RAB3C: variants seen among roughly 807,000 people sequenced by gnomAD.
RAB3C encodes RAB3C, member RAS oncogene family.
A neutral mutation model predicts 26.4 loss-of-function variants in RAB3C; 17 were observed. That is an observed-to-expected ratio of 0.64 (90% CI 0.44 to 0.97). RAB3C has a LOEUF of 0.97. RAB3C is among the 50% of genes least tolerant of loss of function. RAB3C has a pLI of 0.00. For synonymous variants in RAB3C, 91 were observed against 95.9 expected (o/e 0.95, Z 0.30); for missense variants, 242 against 281.9 (o/e 0.86, Z 1.01).
In RAB3C at chr5:58,797,363, TATATA is replaced by T. The variant is rs1160598300; in HGVS notation, c.372-27669_372-27665del. 4.9e-3 allele frequency among the ~76,000 whole-genome samples: 112 copies of T among 22,926 alleles called. 4 individuals carry two copies. The highest frequency in any genetic ancestry group is 0.037 in the South Asian group (31 of 830). The allele number at this position is 22,926 out of a possible 152,430, so 15.0% of individuals were successfully genotyped here. On this transcript the variant is annotated intron_variant, in intron 3 of 4. Transcript: ENST00000282878. ...ACAAAAAAAAAAAAAAATATGTATATATATAATATATATATATATATATATATATA... is the reference window on the plus strand; with the variant it reads ...ACAAAAAAAAAAAAAAATATGTATATATATATATATATATATATATATATA...
At chr5:58,748,491 T>G (rs1741448197) in intron 3 of RAB3C, among the ~76,000 whole-genome samples, 1 of 152,144 alleles carries the variant, frequency 6.6e-6, no homozygotes, top group Non-Finnish European at 1.5e-5. Flanking sequence ...ATAATTGAAT[T>G]GGGAGATAAA....
At chr5:58,671,139 T>C (rs1398740291) in intron 2 of RAB3C, among the ~76,000 whole-genome samples, 1 of 152,182 alleles carries the variant, frequency 6.6e-6, no homozygotes, top group Non-Finnish European at 1.5e-5. Flanking sequence ...GATGATTGAT[T>C]GCCTGTTGTT....
At chr5:58,640,769 G>GA (rs1285094920) in intron 2 of RAB3C, among the ~76,000 whole-genome samples, 1 of 152,138 alleles carries the variant, frequency 6.6e-6, no homozygotes, top group Non-Finnish European at 1.5e-5. Context: ...TCTGTAGGAT[G>GA]CTAATCACAC....
chr5:58,611,686 G>C (rs571500284), intron 1 of RAB3C, among the ~76,000 whole-genome samples: 1 of 152,218 alleles, frequency 6.6e-6, no homozygotes, highest in East Asian at 1.9e-4. Context: ...TAGGTTGTCT[G>C]TTCACTCTGT....
intron 3 of RAB3C, among the ~76,000 whole-genome samples, chr5:58,765,359 G>A (rs575433080): frequency 6.6e-6 from 1 of 152,242 alleles, no homozygotes; most frequent in East Asian, 1.9e-4. Context: ...AGAAGAAACA[G>A]TCATGTAATG....
intron 2 of RAB3C, among the ~76,000 whole-genome samples, chr5:58,652,367 T>C (rs1747672503): frequency 1.3e-5 from 2 of 151,924 alleles, no homozygotes; most frequent in South Asian, 4.2e-4. Context: ...ATATAGTGTC[T>C]ACAATCAATT....
At chr5:58,716,812 A>C (rs562912964) in intron 2 of RAB3C, among the ~76,000 whole-genome samples, 3 of 152,010 alleles carry the variant, frequency 2.0e-5, no homozygotes, top group East Asian at 3.9e-4. Context: ...AAAAAAAAAA[A>C]AAAAAACAAC....
In RAB3C at chr5:58,698,638, T is replaced by G. The variant is rs145446155; in HGVS notation, c.253-27364T>G. The stretch of plus-strand genomic sequence containing the variant: ...TTGTTGATTTCTTTTTACTCTTTTT[T>G]CTCTAAACTTCTCTTTTCACTTTAT... On this transcript the variant is annotated intron_variant, in intron 2 of 4. Coordinates refer to ENST00000282878, the MANE Select transcript of RAB3C (RefSeq NM_138453.4). 9.0e-4 allele frequency among the ~76,000 whole-genome samples: 137 copies of G among 152,298 alleles called. No homozygotes were observed. In the East Asian group the frequency reaches 0.025, roughly 28 times the overall value.
intron 4 of RAB3C, among the ~76,000 whole-genome samples, chr5:58,842,936 A>G (rs1743906350): frequency 6.6e-6 from 1 of 152,242 alleles, no homozygotes; most frequent in African/African-American, 2.4e-5. Context: ...AAATGAAGCC[A>G]ACAGCTAGTG....
chr5:58,683,500 T>G (rs1748387403), intron 2 of RAB3C, among the ~76,000 whole-genome samples: 1 of 152,168 alleles, frequency 6.6e-6, no homozygotes, highest in Non-Finnish European at 1.5e-5. Context: ...ATGTATTGGT[T>G]TCCTATTGCG....
intron 2 of RAB3C, among the ~76,000 whole-genome samples, chr5:58,704,242 G>A (rs1748902328): frequency 6.6e-6 from 1 of 152,154 alleles, no homozygotes; most frequent in Admixed American, 6.5e-5. Flanking sequence ...GCATTTTGGT[G>A]TGTGAAGAGA....
At chr5:58,789,699 A>T (rs930290015) in intron 3 of RAB3C, among the ~76,000 whole-genome samples, 13 of 152,212 alleles carry the variant, frequency 8.5e-5, no homozygotes, top group Non-Finnish European at 1.6e-4. Context: ...TCTTTATTTA[A>T]TTGGAAAAAT....
At chr5:58,819,692 T>C (rs1429860428) in intron 3 of RAB3C, among the ~76,000 whole-genome samples, 1 of 149,898 alleles carries the variant, frequency 6.7e-6, no homozygotes, top group Non-Finnish European at 1.5e-5. Context: ...CTAGCCAACA[T>C]GGTGAAATCC....
intron 3 of RAB3C, among the ~76,000 whole-genome samples, chr5:58,750,004 C>T (rs1261356132): frequency 6.6e-6 from 1 of 151,940 alleles, no homozygotes; most frequent in African/African-American, 2.4e-5. Context: ...TATGTGTTAG[C>T]CATTTCTTTT....
chr5:58,772,421 A>G (rs1468291093), intron 3 of RAB3C, among the ~76,000 whole-genome samples: 1 of 152,158 alleles, frequency 6.6e-6, no homozygotes, highest in East Asian at 1.9e-4. Flanking sequence ...GCAGAAAATC[A>G]ATACTGGAAA....
chr5:58,693,065 C>A (rs920261594), intron 2 of RAB3C, among the ~76,000 whole-genome samples: 1 of 151,082 alleles, frequency 6.6e-6, no homozygotes, highest in Non-Finnish European at 1.5e-5. Flanking sequence ...CTAGATCGTG[C>A]TATTGCACTC....
At chr5:58,718,956 A>T (rs1749229509) in intron 2 of RAB3C, among the ~76,000 whole-genome samples, 1 of 152,088 alleles carries the variant, frequency 6.6e-6, no homozygotes, top group African/African-American at 2.4e-5. Flanking sequence ...AGACAAATTC[A>T]ATACTGTTTT....
chr5:58,609,032 A>G (rs1181836469), intron 1 of RAB3C, among the ~76,000 whole-genome samples: 2 of 152,052 alleles, frequency 1.3e-5, no homozygotes, highest in African/African-American at 4.8e-5. Context: ...ACACACTGGG[A>G]CATGTTGGGG....
chr5:58,630,140 G>C (rs1747159669), intron 2 of RAB3C, among the ~76,000 whole-genome samples: 1 of 152,214 alleles, frequency 6.6e-6, no homozygotes. Context: ...GTGTCTGATA[G>C]CTTGGCTCTA....
Sources: gnomAD v4.1 joint callset for allele counts (sites outside exome capture counted in the v4.1 genomes callset) on GRCh38, gnomAD v4.1.1 for gene constraint, MANE v1.5 for transcripts, NCBI Gene and HGNC (gene_info 2026-07-23, HGNC 2026-07-21) for gene names.